MGMT: variants seen among roughly 807,000 people sequenced by gnomAD.
The protein encoded by MGMT is methylated-DNA--protein-cysteine methyltransferase.
Under a neutral mutation model 15.9 loss-of-function variants are expected in MGMT, and 14 were observed. The observed-to-expected ratio is 0.88, with a 90% CI of 0.58 to 1.37. MGMT has a LOEUF of 1.37. Ranked by LOEUF, MGMT falls within the 40% of genes most tolerant of loss-of-function variation. The pLI, the probability that MGMT is intolerant of heterozygous loss-of-function variation, is 0.00. For synonymous variants in MGMT, 130 were observed against 118.2 expected (o/e 1.10, Z -0.65); for missense variants, 282 against 268.1 (o/e 1.05, Z -0.36).
At chr10:129,707,813 T>G (rs780353304) in intron 2 of MGMT, 82 bp from the exon 3 acceptor site, 4 of 1,573,646 alleles carry the variant, frequency 2.5e-6, no homozygotes, top group Non-Finnish European at 2.6e-6. Context: ...GTTTGCCCGT[T>G]TAGATGCAGT....
At chr10:129,701,633 C>T (rs1056864016) in intron 2 of MGMT, 4 of 152,154 alleles carry the variant, frequency 2.6e-5, no homozygotes, top group African/African-American at 9.7e-5. Flanking sequence ...TGGGAAGAGC[C>T]TGGTAGCCGT....
intron 1 of MGMT, among the ~76,000 whole-genome samples, chr10:129,503,227 A>G (rs938086552): frequency 1.3e-5 from 2 of 152,158 alleles, no homozygotes; most frequent in African/African-American, 4.8e-5. Flanking sequence ...ATATTGTGCA[A>G]TGCACTTGGG....
At chr10:129,664,704 T>C (rs1367164517) in intron 2 of MGMT, among the ~76,000 whole-genome samples, 2 of 151,988 alleles carry the variant, frequency 1.3e-5, no homozygotes, top group Non-Finnish European at 1.5e-5. Flanking sequence ...ACAAGAAGAA[T>C]GATAAGCAGG....
chr10:129,540,661 T>G (rs1846033389), intron 2 of MGMT, among the ~76,000 whole-genome samples: 1 of 152,258 alleles, frequency 6.6e-6, no homozygotes, highest in South Asian at 2.1e-4. Context: ...TTTGGTACTG[T>G]CTTTGTCTTG....
intron 2 of MGMT, among the ~76,000 whole-genome samples, chr10:129,652,811 G>A (rs1040785588): frequency 6.6e-6 from 1 of 152,238 alleles, no homozygotes; most frequent in Non-Finnish European, 1.5e-5. Context: ...GGGGTGACGT[G>A]TGGGACCCTC....
chr10:129,671,431 T>C (rs1589927417), intron 2 of MGMT, among the ~76,000 whole-genome samples: 1 of 97,446 alleles, frequency 1.0e-5, no homozygotes, highest in African/African-American at 4.3e-5. Flanking sequence ...GCTGGACATC[T>C]TTTTTTTTTT....
At chr10:129,525,882 G>T (rs879363352) in intron 1 of MGMT, among the ~76,000 whole-genome samples, 1 of 152,206 alleles carries the variant, frequency 6.6e-6, no homozygotes, top group East Asian at 1.9e-4. Flanking sequence ...CAGGGCTCCC[G>T]TGTTAGGCCC....
intron 2 of MGMT, among the ~76,000 whole-genome samples, chr10:129,681,637 G>A (rs1390800539): frequency 6.6e-6 from 1 of 152,146 alleles, no homozygotes; most frequent in Non-Finnish European, 1.5e-5. Flanking sequence ...ACTTACATGT[G>A]GATTTTTTTC....
At chr10:129,742,708 G>A (rs1307695029) in intron 3 of MGMT, among the ~76,000 whole-genome samples, 1 of 147,386 alleles carries the variant, frequency 6.8e-6, no homozygotes, top group Non-Finnish European at 1.5e-5. Flanking sequence ...TCAGGGCTGG[G>A]GCGTTCAGCA....
At chr10:129,563,174 A>T (rs959785855) in intron 2 of MGMT, among the ~76,000 whole-genome samples, 4 of 152,118 alleles carry the variant, frequency 2.6e-5, no homozygotes, top group Non-Finnish European at 5.9e-5. Context: ...TTTAACTTTC[A>T]CTGAATGTAT....
At chr10:129,516,736 G>A (rs59405502) in intron 1 of MGMT, among the ~76,000 whole-genome samples, 23,707 of 151,624 alleles carry the variant, frequency 0.16, 2,588 homozygotes, top group African/African-American at 0.3. Flanking sequence ...TACAGATTCA[G>A]GCCCAGTATT....
At chr10:129,561,633 T>C (rs1846280191) in intron 2 of MGMT, among the ~76,000 whole-genome samples, 1 of 152,228 alleles carries the variant, frequency 6.6e-6, no homozygotes, top group Admixed American at 6.5e-5. Flanking sequence ...CCCTCAAGCA[T>C]GTAATTATGC....
At chr10:129,543,551 C>T (rs561439415) in intron 2 of MGMT, among the ~76,000 whole-genome samples, 24 of 152,168 alleles carry the variant, frequency 1.6e-4, no homozygotes, top group South Asian at 6.2e-4. Flanking sequence ...TCACCAGCTT[C>T]GGTGCTCTTG....
At chr10:129,604,214 G>C (rs1846859843) in intron 2 of MGMT, among the ~76,000 whole-genome samples, 1 of 152,224 alleles carries the variant, frequency 6.6e-6, no homozygotes. Context: ...TGAAGGGGCT[G>C]CCGGGGCCTT....
At chr10:129,472,757 G>A (rs540743255) in intron 1 of MGMT, among the ~76,000 whole-genome samples, 18 of 152,194 alleles carry the variant, frequency 1.2e-4, no homozygotes, top group East Asian at 3.9e-4. Context: ...ATGCAGAGTC[G>A]CTCTGTTTTG....
chr10:129,523,351 G>A (rs1446775738), intron 1 of MGMT, among the ~76,000 whole-genome samples: 2 of 152,244 alleles, frequency 1.3e-5, no homozygotes, highest in Admixed American at 1.3e-4. Context: ...AAGTTCTAGC[G>A]GGACTAGTTA....
chr10:129,524,980 C>T (rs552692617), intron 1 of MGMT, among the ~76,000 whole-genome samples: 3 of 152,100 alleles, frequency 2.0e-5, no homozygotes, highest in African/African-American at 4.8e-5. Context: ...GCTAAACTGT[C>T]GGAATGGATA....
At chr10:129,743,820 G>A (rs534226126) in intron 3 of MGMT, among the ~76,000 whole-genome samples, 1 of 152,266 alleles carries the variant, frequency 6.6e-6, no homozygotes, top group Non-Finnish European at 1.5e-5. Flanking sequence ...GGAAAGAAGA[G>A]ATTGTGTCCA....
At chr10:129,587,786 A>G (rs77558410) in intron 2 of MGMT, among the ~76,000 whole-genome samples, 4,943 of 152,106 alleles carry the variant, frequency 0.032, 130 homozygotes, top group South Asian at 0.065. Flanking sequence ...TATAACGACT[A>G]TGTTAATATC....
Sources: allele counts gnomAD v4.1 joint callset (sites outside exome capture counted in the v4.1 genomes callset), GRCh38; gene constraint gnomAD v4.1.1; transcripts MANE v1.5; gene names NCBI Gene and HGNC (gene_info 2026-07-23, HGNC 2026-07-21).